Variants in CCDC192 observed in about 807,000 individuals in gnomAD.
CCDC192 encodes the protein coiled-coil domain containing 192.
At chr5:127,757,993 T>C (rs1754706077) in intron 3 of CCDC192, among the ~76,000 whole-genome samples, 1 of 151,848 alleles carries the variant, frequency 6.6e-6, no homozygotes, top group Non-Finnish European at 1.5e-5. Flanking sequence ...TGAAGTAGAA[T>C]GAGGTGGGGA....
chr5:127,806,927 C>T (rs1757819412), intron 5 of CCDC192, among the ~76,000 whole-genome samples: 1 of 152,160 alleles, frequency 6.6e-6, no homozygotes, highest in African/African-American at 2.4e-5. Context: ...GTCCTCTGGT[C>T]CTGCGGCCTA....
At chr5:127,843,223 A>G (rs574789664) in intron 5 of CCDC192, among the ~76,000 whole-genome samples, 10 of 149,788 alleles carry the variant, frequency 6.7e-5, no homozygotes, top group Non-Finnish European at 1.2e-4. Flanking sequence ...TATTTTTAGT[A>G]GAGACGAGGT....
chr5:127,730,275 G>A (rs959746018), intron 2 of CCDC192, among the ~76,000 whole-genome samples: 3 of 152,142 alleles, frequency 2.0e-5, no homozygotes, highest in African/African-American at 7.2e-5. Context: ...AAATCTAGAA[G>A]AACTGGGTAA....
chr5:127,702,294 C>CAGAGAGGTAAGATGATT (rs370027905), upstream of CCDC192, among the ~76,000 whole-genome samples: 1,406 of 152,224 alleles, frequency 9.2e-3, 18 homozygotes, highest in African/African-American at 0.032. Context: ...ATCCAAAGCA[C>CAGAGAGGTAAGATGATT]AGAGAGGTAA....
chr5:127,809,338 C>G (rs1297652852), intron 5 of CCDC192, among the ~76,000 whole-genome samples: 1 of 152,128 alleles, frequency 6.6e-6, no homozygotes, highest in African/African-American at 2.4e-5. Context: ...TATGTGAGTT[C>G]TAACTTCCCA....
intron 6 of CCDC192, among the ~76,000 whole-genome samples, chr5:127,919,035 G>C (rs1753620398): frequency 6.7e-6 from 1 of 149,206 alleles, no homozygotes; most frequent in Non-Finnish European, 1.5e-5. Context: ...GTGTATATAT[G>C]TGTGTATATA....
At chr5:127,818,089 C>T (rs115759363) in intron 5 of CCDC192, among the ~76,000 whole-genome samples, 3,072 of 152,262 alleles carry the variant, frequency 0.02, 114 homozygotes, top group African/African-American at 0.071. Flanking sequence ...TTTCCCAAAT[C>T]ACTGCTCTAA....
chr5:127,915,991 T>G (rs1456535946), intron 6 of CCDC192, among the ~76,000 whole-genome samples: 12 of 152,228 alleles, frequency 7.9e-5, no homozygotes, highest in Admixed American at 7.9e-4. Context: ...TAGCATGTGA[T>G]GCTGTTTGGT....
At chr5:127,743,758 A>G (rs1313337818) in intron 2 of CCDC192, among the ~76,000 whole-genome samples, 1 of 152,210 alleles carries the variant, frequency 6.6e-6, no homozygotes, top group African/African-American at 2.4e-5. Flanking sequence ...TTGAGTTTTT[A>G]AATATTTGCC....
At chr5:127,751,836 A>T (rs986562269) in intron 2 of CCDC192, among the ~76,000 whole-genome samples, 2 of 151,716 alleles carry the variant, frequency 1.3e-5, no homozygotes, top group Non-Finnish European at 2.9e-5. Context: ...TTTTCTCTAA[A>T]CTTTCCTTCT....
At chr5:127,715,599 T>C (rs1428522957) in intron 2 of CCDC192, among the ~76,000 whole-genome samples, 1 of 152,202 alleles carries the variant, frequency 6.6e-6, no homozygotes, top group Non-Finnish European at 1.5e-5. Flanking sequence ...TTCAGTATTG[T>C]TTTTTCTATT....
intron 5 of CCDC192, among the ~76,000 whole-genome samples, chr5:127,869,415 C>T (rs1437471637): frequency 1.3e-5 from 2 of 152,182 alleles, no homozygotes; most frequent in African/African-American, 2.4e-5. Context: ...ACTGTTAGCA[C>T]CTCTCTGGAA....
intron 3 of CCDC192, among the ~76,000 whole-genome samples, chr5:127,770,160 G>A (rs1425163608): frequency 1.3e-5 from 2 of 152,180 alleles, no homozygotes; most frequent in South Asian, 4.1e-4. Flanking sequence ...TCATAGCTCA[G>A]TGTAGCCTTG....
chr5:127,890,844 T>G (rs1752711648), intron 6 of CCDC192, among the ~76,000 whole-genome samples: 2 of 152,234 alleles, frequency 1.3e-5, no homozygotes, highest in Non-Finnish European at 2.9e-5. Context: ...AAACATCTGG[T>G]GGAAGCTATC....
intron 2 of CCDC192, among the ~76,000 whole-genome samples, chr5:127,721,506 A>G (rs1420236672): frequency 6.6e-6 from 1 of 152,180 alleles, no homozygotes; most frequent in Non-Finnish European, 1.5e-5. Context: ...AGAAGTCTCT[A>G]GGAGTTCCAA....
At chr5:127,888,583 C>T (rs977752051) in intron 6 of CCDC192, among the ~76,000 whole-genome samples, 12 of 151,994 alleles carry the variant, frequency 7.9e-5, no homozygotes, top group South Asian at 4.2e-4. Context: ...GGAAATGCCA[C>T]GTTTATTTAA....
intron 2 of CCDC192, among the ~76,000 whole-genome samples, chr5:127,753,211 GC>G (rs1376149770): frequency 1.3e-5 from 2 of 152,164 alleles, no homozygotes; most frequent in African/African-American, 4.8e-5. Context: ...CACACCCACA[GC>G]CAAGCTATAG....
intron 3 of CCDC192, among the ~76,000 whole-genome samples, chr5:127,783,326 G>A (rs1756351409): frequency 6.6e-6 from 1 of 152,128 alleles, no homozygotes. Flanking sequence ...TGTCACTATT[G>A]TTGTTCACTT....
intron 3 of CCDC192, among the ~76,000 whole-genome samples, chr5:127,795,884 C>G (rs1426657728): frequency 6.6e-6 from 1 of 152,156 alleles, no homozygotes; most frequent in Admixed American, 6.5e-5. Context: ...TCCCAAACCA[C>G]CATGCACTCA....
Sources: allele counts gnomAD v4.1 joint callset (sites outside exome capture counted in the v4.1 genomes callset), GRCh38; gene constraint gnomAD v4.1.1; transcripts MANE v1.5; gene names NCBI Gene and HGNC (gene_info 2026-07-23, HGNC 2026-07-21).